Variants in REDIC1 observed in about 807,000 individuals in gnomAD.
REDIC1 encodes the protein regulator of DNA class I crossover intermediates 1, also known as HEI10 Interacting Protein 1.
the REDIC1 span, among the ~76,000 whole-genome samples, chr12:39,861,958 C>A: frequency 3.3e-4 from 50 of 152,198 alleles, no homozygotes; most frequent in Non-Finnish European, 1.5e-5. Flanking sequence ...TGGTTTGCTG[C>A]ACCTATCAAC....
the REDIC1 span, among the ~76,000 whole-genome samples, chr12:39,719,946 C>T: frequency 1.3e-5 from 2 of 152,034 alleles, no homozygotes; most frequent in Non-Finnish European, 2.9e-5. Flanking sequence ...CAGTGTCAAT[C>T]AGCTAAAGCC....
the REDIC1 span, among the ~76,000 whole-genome samples, chr12:39,807,108 A>T: frequency 6.7e-6 from 1 of 148,638 alleles, no homozygotes; most frequent in Non-Finnish European, 1.5e-5. Flanking sequence ...AGGTTGGTGG[A>T]AAAGTAATTA....
the REDIC1 span, among the ~76,000 whole-genome samples, chr12:39,680,653 T>C: frequency 6.6e-6 from 1 of 152,042 alleles, no homozygotes; most frequent in South Asian, 2.1e-4. Flanking sequence ...AATCAGTCAG[T>C]ATATGAAAAA....
At chr12:39,845,864 T>G in the REDIC1 span, among the ~76,000 whole-genome samples, 344 of 152,254 alleles carry the variant, frequency 2.3e-3, no homozygotes, top group African/African-American at 7.9e-3. Flanking sequence ...GTCCTTTTCT[T>G]CAAGGAAAAT....
chr12:39,682,968 C>T, the REDIC1 span: 11 of 1,613,418 alleles, frequency 6.8e-6, no homozygotes, highest in Non-Finnish European at 9.3e-6. Flanking sequence ...GCATTAGAAA[C>T]ATTTTTACAG....
chr12:39,695,372 C>T, the REDIC1 span, among the ~76,000 whole-genome samples: 1 of 152,098 alleles, frequency 6.6e-6, no homozygotes, highest in Non-Finnish European at 1.5e-5. Context: ...GAGCCTCCTG[C>T]CCTGAAGAGT....
chr12:39,639,038 C>A, the REDIC1 span, among the ~76,000 whole-genome samples: 1 of 151,930 alleles, frequency 6.6e-6, no homozygotes, highest in Non-Finnish European at 1.5e-5. Flanking sequence ...GTCTGGATTG[C>A]GTAATATTGC....
At chr12:39,651,924 A>G in the REDIC1 span, among the ~76,000 whole-genome samples, 1 of 152,018 alleles carries the variant, frequency 6.6e-6, no homozygotes, top group Admixed American at 6.6e-5. Flanking sequence ...TCCCAAAGCA[A>G]CCACTGATCT....
the REDIC1 span, among the ~76,000 whole-genome samples, chr12:39,738,543 G>A: frequency 9.9e-5 from 15 of 152,110 alleles, no homozygotes; most frequent in Non-Finnish European, 1.2e-4. Flanking sequence ...AGTTATGTTT[G>A]CAATTTCTTT....
chr12:39,875,976 T>C, the REDIC1 span, among the ~76,000 whole-genome samples: 1 of 152,120 alleles, frequency 6.6e-6, no homozygotes, highest in Admixed American at 6.6e-5. Flanking sequence ...AAAAGAACAA[T>C]ATGAACAACT....
the REDIC1 span, among the ~76,000 whole-genome samples, chr12:39,701,480 A>G: frequency 2.6e-5 from 4 of 152,200 alleles, 1 homozygote; most frequent in South Asian, 8.3e-4. Context: ...ACTCCCACAC[A>G]TTAATAATGG....
At chr12:39,671,560 G>A in the REDIC1 span, among the ~76,000 whole-genome samples, 3 of 152,186 alleles carry the variant, frequency 2.0e-5, no homozygotes, top group African/African-American at 7.2e-5. Context: ...AGGTGGGTGG[G>A]TAAGTCCTTG....
chr12:39,701,007 A>G, the REDIC1 span, among the ~76,000 whole-genome samples: 372 of 152,206 alleles, frequency 2.4e-3, 2 homozygotes, highest in South Asian at 5.4e-3. Context: ...GACCATCGAG[A>G]CTAGGAAGAA....
At chr12:39,830,439 T>C in the REDIC1 span, 1 of 1,272,084 alleles carries the variant, frequency 7.9e-7, no homozygotes, top group African/African-American at 1.5e-5. Context: ...CACAGCAACT[T>C]TGGAAGTCAC....
At chr12:39,886,538 C>T in the REDIC1 span, among the ~76,000 whole-genome samples, 4 of 151,768 alleles carry the variant, frequency 2.6e-5, no homozygotes, top group Admixed American at 6.6e-5. Context: ...CAGATCCCAC[C>T]GAGAAGTATT....
chr12:39,772,193 G>A, the REDIC1 span, among the ~76,000 whole-genome samples: 5 of 152,140 alleles, frequency 3.3e-5, no homozygotes, highest in Admixed American at 2.6e-4. Flanking sequence ...AGGGTCAAGA[G>A]CACAGGGTCT....
At chr12:39,649,750 T>G in the REDIC1 span, among the ~76,000 whole-genome samples, 1 of 152,004 alleles carries the variant, frequency 6.6e-6, no homozygotes, top group Non-Finnish European at 1.5e-5. Context: ...ATTAACAAAT[T>G]GATTATCTTC....
the REDIC1 span, among the ~76,000 whole-genome samples, chr12:39,739,782 A>T: frequency 6.6e-6 from 1 of 152,128 alleles, no homozygotes; most frequent in African/African-American, 2.4e-5. Context: ...TTCTTCCATC[A>T]AGAGGTGCCA....
the REDIC1 span, among the ~76,000 whole-genome samples, chr12:39,853,089 A>G: frequency 6.6e-6 from 1 of 152,222 alleles, no homozygotes; most frequent in African/African-American, 2.4e-5. Flanking sequence ...GTTTTGTCCA[A>G]TTCTTTGCTC....
Sources: allele counts gnomAD v4.1 joint callset (sites outside exome capture counted in the v4.1 genomes callset), GRCh38; gene constraint gnomAD v4.1.1; transcripts MANE v1.5; gene names NCBI Gene and HGNC (gene_info 2026-07-23, HGNC 2026-07-21).